Variants in NT5DC1 observed in about 807,000 individuals in gnomAD.
NT5DC1 encodes the protein 5'-nucleotidase domain-containing protein 1.
A neutral mutation model predicts 59.4 loss-of-function variants in NT5DC1; 42 were observed. That is an observed-to-expected ratio of 0.71 (90% CI 0.55 to 0.92). NT5DC1 has a LOEUF of 0.92. NT5DC1 is among the 40% of genes least tolerant of loss of function. The pLI is 0.00. For synonymous variants in NT5DC1, 172 were observed against 188.1 expected (o/e 0.91, Z 0.70); for missense variants, 501 against 537.1 (o/e 0.93, Z 0.66).
At position 116,244,763 on chromosome 6, in the gene NT5DC1, G is replaced by C. The variant is rs1771809161; in HGVS notation, c.*739G>C. 2 of 152,110 alleles carry C rather than the reference G, an allele frequency of 1.3e-5. No homozygotes were observed. The highest frequency in any genetic ancestry group is 2.9e-5 in the Non-Finnish European group (2 of 68,002). The allele number at this position is 152,110 out of a possible 1,614,324, so 9.4% of individuals were successfully genotyped here. ...AATAAAAAGACATGACTTATTCTCT[G>C]TTCATACAGCAAGTATGGAAAAAAG... On this transcript the variant is annotated 3_prime_UTR_variant, in exon 12 of 12. Transcript: ENST00000319550.
intron 6 of NT5DC1, among the ~76,000 whole-genome samples, chr6:116,158,296 T>C (rs1222076031): frequency 6.6e-6 from 1 of 152,068 alleles, no homozygotes; most frequent in African/African-American, 2.4e-5. Flanking sequence ...AGCTTTCTTG[T>C]TAGTCCTGTG....
chr6:116,138,034 C>T (rs1181140018), intron 6 of NT5DC1, among the ~76,000 whole-genome samples: 1 of 151,340 alleles, frequency 6.6e-6, no homozygotes, highest in African/African-American at 2.5e-5. Flanking sequence ...GCCAAGATCA[C>T]ACCACTGCAC....
At chr6:116,105,206 G>C (rs1156229971) in intron 1 of NT5DC1, among the ~76,000 whole-genome samples, 1 of 152,108 alleles carries the variant, frequency 6.6e-6, no homozygotes, top group Non-Finnish European at 1.5e-5. Flanking sequence ...CCCTACTCCA[G>C]CTGTGTGCAG....
chr6:116,166,197 C>T (rs986654351), intron 6 of NT5DC1, among the ~76,000 whole-genome samples: 1 of 152,154 alleles, frequency 6.6e-6, no homozygotes, highest in African/African-American at 2.4e-5. Context: ...TCCTTTTCTG[C>T]AACCCCACAT....
chr6:116,234,512 G>A (rs183413870), intron 8 of NT5DC1, among the ~76,000 whole-genome samples: 137 of 151,388 alleles, frequency 9.0e-4, no homozygotes, highest in African/African-American at 3.2e-3. Context: ...GTGAATTTGT[G>A]TAGTTTTTGA....
chr6:116,174,862 A>G (rs1305841795), intron 6 of NT5DC1, among the ~76,000 whole-genome samples: 1 of 152,188 alleles, frequency 6.6e-6, no homozygotes, highest in Non-Finnish European at 1.5e-5. Flanking sequence ...CCCTACAAAC[A>G]CTACATAAGC....
chr6:116,142,296 A>G (rs989756815), intron 6 of NT5DC1, among the ~76,000 whole-genome samples: 2 of 151,720 alleles, frequency 1.3e-5, no homozygotes, highest in African/African-American at 4.8e-5. Context: ...TTTTTTTTCA[A>G]TTTATTTGGC....
In NT5DC1 at chr6:116,245,748, T is replaced by G. The variant is rs1245027962; in HGVS notation, c.*1724T>G. ...ATCTTTAAATGCTTATGAACTACTG[T>G]TAATATGAAAAATGAGAAGTCCAAA... On this transcript the variant is annotated 3_prime_UTR_variant, in exon 12 of 12. Transcript: ENST00000319550. 6.6e-6 allele frequency: 1 copy of G among 152,136 alleles called. No homozygotes were observed. Among genetic ancestry groups the G allele is most frequent in the African/African-American group, 2.4e-5 (1 of 41,428 alleles). 9.4% of individuals were successfully genotyped at this position (152,136 alleles called of 1,614,324 possible). A position where few individuals can be genotyped will look rare whatever the true frequency, so the allele number is the denominator to read the frequency against.
Position 116,100,906 on chromosome 6 carries a change from G to T in NT5DC1, c.-25G>T. ...TCCTTGCACCCTTCGCGGCCGAGGC[G>T]CTCCCTGGTGCTCCCCGCGCAGCCA... On this transcript the variant is annotated 5_prime_UTR_variant, in exon 1 of 12. Transcript: ENST00000319550. 2 of 1,574,322 alleles carry T rather than the reference G, an allele frequency of 1.3e-6. No individual in the cohort carries two copies. Among genetic ancestry groups the T allele is most frequent in the Non-Finnish European group, 8.6e-7 (1 of 1,159,274 alleles).
chr6:116,189,442 T>C (rs1781073037), intron 6 of NT5DC1, among the ~76,000 whole-genome samples: 1 of 151,976 alleles, frequency 6.6e-6, no homozygotes, highest in Admixed American at 6.6e-5. Context: ...GGGATACTTA[T>C]TCTTTATATA....
At chr6:116,178,088 T>TGTGTGTGTGC (rs1491426656) in intron 6 of NT5DC1, among the ~76,000 whole-genome samples, 55 of 99,654 alleles carry the variant, frequency 5.5e-4, no homozygotes, top group African/African-American at 2.5e-3. Flanking sequence ...TGTGTGTGTG[T>TGTGTGTGTGC]GCGCGCGCGC....
intron 6 of NT5DC1, among the ~76,000 whole-genome samples, chr6:116,203,508 A>T (rs547920476): frequency 6.6e-6 from 1 of 151,882 alleles, no homozygotes; most frequent in South Asian, 2.1e-4. Flanking sequence ...CCTCAACATT[A>T]TGCTCCTATA....
chr6:116,238,153 G>A (rs759817420), intron 9 of NT5DC1, 34 bp from the exon 10 acceptor site: 1 of 1,515,612 alleles, frequency 6.6e-7, no homozygotes, highest in South Asian at 1.3e-5. Context: ...TCACAATTCT[G>A]TGCCTCAAAC....
intron 6 of NT5DC1, among the ~76,000 whole-genome samples, chr6:116,173,681 A>AT (rs1191491780): frequency 8.6e-5 from 13 of 151,976 alleles, no homozygotes; most frequent in Non-Finnish European, 1.6e-4. Context: ...TTATTTATTT[A>AT]TTTTTTTGGT....
chr6:116,172,157 A>G (rs781613488), intron 6 of NT5DC1, among the ~76,000 whole-genome samples: 20 of 152,254 alleles, frequency 1.3e-4, no homozygotes, highest in Middle Eastern at 3.4e-3. Context: ...ACCCTTTCCT[A>G]AGTGATACAA....
chr6:116,220,564 G>C (rs946173448), intron 6 of NT5DC1, among the ~76,000 whole-genome samples: 4 of 152,176 alleles, frequency 2.6e-5, no homozygotes, highest in African/African-American at 9.7e-5. Flanking sequence ...CCCTAGTATA[G>C]ATTCCATCTG....
intron 11 of NT5DC1, among the ~76,000 whole-genome samples, chr6:116,241,922 C>CAAAA (rs772261524): frequency 9.5e-5 from 1 of 10,530 alleles, no homozygotes; most frequent in African/African-American, 7.7e-4. Flanking sequence ...GACTCCGTCT[C>CAAAA]AAAAAAAAAA....
intron 6 of NT5DC1, among the ~76,000 whole-genome samples, chr6:116,213,872 CCA>C (rs1582876881): frequency 6.6e-6 from 1 of 151,916 alleles, no homozygotes; most frequent in African/African-American, 2.4e-5. Context: ...GGATTTTGTG[CCA>C]AGCACTATGA....
chr6:116,224,994 G>C (rs996511216), intron 8 of NT5DC1, among the ~76,000 whole-genome samples: 1 of 152,102 alleles, frequency 6.6e-6, no homozygotes. Context: ...TATGGAGTTG[G>C]AAAACACAGA....
Sources: gnomAD v4.1 joint callset for allele counts (sites outside exome capture counted in the v4.1 genomes callset) on GRCh38, gnomAD v4.1.1 for gene constraint, MANE v1.5 for transcripts, NCBI Gene and HGNC (gene_info 2026-07-23, HGNC 2026-07-21) for gene names.